RGS17: variants seen among roughly 807,000 people sequenced by gnomAD.
RGS17 encodes regulator of G-protein signaling 17.
Under a neutral mutation model 25.5 loss-of-function variants are expected in RGS17, and 12 were observed. The ratio of observed to expected loss-of-function variants is 0.47; its 90% CI spans 0.30 to 0.76. RGS17 has a LOEUF of 0.76. Ranked by LOEUF, RGS17 falls within the 30% of genes least tolerant of loss-of-function variation. The probability of loss-of-function intolerance (pLI) is 0.07; values close to 1 mark genes in which losing one functional copy is unlikely to be tolerated. For missense variants in RGS17, 196 were observed against 242.2 expected (o/e 0.81, Z 1.27); for synonymous variants, 71 against 76.9 (o/e 0.92, Z 0.40).
intron 2 of RGS17, among the ~76,000 whole-genome samples, chr6:153,034,465 C>T (rs1006224023): frequency 6.6e-6 from 1 of 152,222 alleles, no homozygotes; most frequent in Non-Finnish European, 1.5e-5. Flanking sequence ...AGATCCTACA[C>T]AGTCTGGTAA....
chr6:153,120,539 G>T, intron 1 of RGS17, among the ~76,000 whole-genome samples: 1 of 152,160 alleles, frequency 6.6e-6, no homozygotes, highest in Non-Finnish European at 1.5e-5. Flanking sequence ...CTGGACAGCT[G>T]AAATTGTGGT....
chr6:153,099,514 A>G (rs1777264540), intron 1 of RGS17, among the ~76,000 whole-genome samples: 1 of 152,204 alleles, frequency 6.6e-6, no homozygotes, highest in Admixed American at 6.5e-5. Flanking sequence ...TATATTCGGA[A>G]AAAAAATTGC....
At chr6:153,106,220 C>T (rs896503579) in intron 1 of RGS17, among the ~76,000 whole-genome samples, 1 of 151,888 alleles carries the variant, frequency 6.6e-6, no homozygotes, top group Admixed American at 6.6e-5. Context: ...GCACATGTCA[C>T]GTTCTGATGC....
intron 1 of RGS17, among the ~76,000 whole-genome samples, chr6:153,047,210 G>C (rs1355016448): frequency 6.6e-6 from 1 of 152,110 alleles, no homozygotes; most frequent in Non-Finnish European, 1.5e-5. Flanking sequence ...ACTTCAGTCA[G>C]AAGAAAACAA....
chr6:153,007,728 A>G lies in RGS17; in HGVS notation c.*3846T>C, dbSNP rs1779091963. 1 of 152,066 alleles carries G rather than the reference A, an allele frequency of 6.6e-6. No homozygotes were observed. Among genetic ancestry groups the G allele is most frequent in the Non-Finnish European group, 1.5e-5 (1 of 68,058 alleles). The allele number at this position is 152,066 out of a possible 1,614,324, so 9.4% of individuals were successfully genotyped here. On this transcript the variant is annotated 3_prime_UTR_variant, in exon 5 of 5. Coordinates refer to ENST00000206262, the MANE Select transcript of RGS17 (RefSeq NM_012419.5). ...TGCCTCAGCCTCTCAAGTAGCCGGG[A>G]TTAAAGGCACCCACCACCATGCCCG...
intron 1 of RGS17, among the ~76,000 whole-genome samples, chr6:153,048,658 G>A (rs1054486252): frequency 6.6e-6 from 1 of 152,114 alleles, no homozygotes; most frequent in Admixed American, 6.5e-5. Flanking sequence ...GTACAATTAC[G>A]TGTCAAGACC....
Position 153,054,117 on chromosome 6 carries a change from T to TATAC in RGS17, c.-25-10075_-25-10074insGTAT, listed in dbSNP as rs1562321755. 2.6e-4 allele frequency among the ~76,000 whole-genome samples: 19 copies of TATAC among 74,186 alleles called. 1 individual carries two copies. Among genetic ancestry groups the TATAC allele is most frequent in the African/African-American group, 1.2e-3 (19 of 16,302 alleles). The allele number at this position is 74,186 out of a possible 152,430, so 48.7% of individuals were successfully genotyped here. A position where few individuals can be genotyped will look rare whatever the true frequency, so the allele number is the denominator to read the frequency against. On this transcript the variant is annotated intron_variant, in intron 1 of 4. Coordinates refer to ENST00000206262, the MANE Select transcript of RGS17 (RefSeq NM_012419.5). ...TTATATATATATATATATATATGTG[T>TATAC]ATATATATATATATACAGCTTTATA...
intron 1 of RGS17, among the ~76,000 whole-genome samples, chr6:153,112,507 T>C (rs557850833): frequency 6.6e-6 from 1 of 152,268 alleles, no homozygotes; most frequent in East Asian, 1.9e-4. Context: ...CTTCAGGATA[T>C]TATCCAGGAG....
rs560819134 is a variant in RGS17, at chr6:153,079,652, C to T, written c.-25-35609G>A. ...ATCAAACTCATAATCCTGGAATAAACCTCAGTTTGTTATGATCTCTTATCT... is the reference window on the plus strand; with the variant it reads ...ATCAAACTCATAATCCTGGAATAAATCTCAGTTTGTTATGATCTCTTATCT... On this transcript the variant is annotated intron_variant, in intron 1 of 4. Transcript: ENST00000206262. Among the ~76,000 whole-genome samples the T allele has an allele frequency of 3.3e-5, 5 of 152,054 alleles. No homozygotes were observed. The East Asian group carries it at 5.8e-4, about 18-fold the overall frequency.
In RGS17 at chr6:153,120,340, C is replaced by T. The variant is rs370406130; in HGVS notation, c.-26+10784G>A. Among the ~76,000 whole-genome samples, 26 of 152,316 alleles carry T rather than the reference C, an allele frequency of 1.7e-4. No homozygotes were observed. In the South Asian group the frequency reaches 5.4e-3, roughly 32 times the overall value. Reference sequence around the variant, plus strand: ...CTTCATGAGTTTGACTTGTCCATGTCTTATGACATCCTTATTTCCCAGACT... The same window carrying T: ...CTTCATGAGTTTGACTTGTCCATGTTTTATGACATCCTTATTTCCCAGACT... On this transcript the variant is annotated intron_variant, in intron 1 of 4. Transcript: ENST00000206262.
intron 1 of RGS17, among the ~76,000 whole-genome samples, chr6:153,066,492 C>T (rs1266054236): frequency 6.6e-6 from 1 of 152,088 alleles, no homozygotes; most frequent in Non-Finnish European, 1.5e-5. Flanking sequence ...TACTTCCATT[C>T]CATGAGGCCA....
intron 1 of RGS17, among the ~76,000 whole-genome samples, chr6:153,096,635 A>C (rs12209964): frequency 3.9e-5 from 6 of 152,236 alleles, no homozygotes; most frequent in Admixed American, 6.5e-5. Flanking sequence ...TCGTTGCCAC[A>C]TAAGTAAAAA....
At position 153,037,171 on chromosome 6, in the gene RGS17, A is replaced by T. The variant is rs1584128092; in HGVS notation, c.119+6729T>A. Among the ~76,000 whole-genome samples the T allele has an allele frequency of 5.5e-5, 8 of 145,354 alleles. No individual in the cohort carries two copies. In the South Asian group the frequency reaches 1.8e-3, roughly 32 times the overall value. ...TACTAATTGGTAGTACTACCTTTAA[A>T]ACACACACACACACACACACACACA... On this transcript the variant is annotated intron_variant, in intron 2 of 4. Coordinates refer to ENST00000206262, the MANE Select transcript of RGS17 (RefSeq NM_012419.5).
At chr6:153,060,769 T>C (rs553877576) in intron 1 of RGS17, among the ~76,000 whole-genome samples, 1 of 152,238 alleles carries the variant, frequency 6.6e-6, no homozygotes, top group Non-Finnish European at 1.5e-5. Flanking sequence ...TATTTTGGAA[T>C]TCCAAATACA....
chr6:153,053,997 TATACATATATAC>T (rs1776506912), intron 1 of RGS17, among the ~76,000 whole-genome samples: 1 of 54,102 alleles, frequency 1.8e-5, no homozygotes, highest in Non-Finnish European at 3.0e-5. Context: ...ATATAATATA[TATACATATATAC>T]GTATATATGT....
chr6:153,074,756 A>T (rs1776853253), intron 1 of RGS17, among the ~76,000 whole-genome samples: 1 of 152,194 alleles, frequency 6.6e-6, no homozygotes, highest in African/African-American at 2.4e-5. Context: ...CTAATATTTT[A>T]AAAAGGATTT....
At chr6:153,050,271 G>C (rs1484715869) in intron 1 of RGS17, among the ~76,000 whole-genome samples, 1 of 151,868 alleles carries the variant, frequency 6.6e-6, no homozygotes, top group African/African-American at 2.4e-5. Flanking sequence ...TTTTTATATA[G>C]TTTAATTTAT....
intron 4 of RGS17, among the ~76,000 whole-genome samples, chr6:153,019,662 C>G (rs373435197): frequency 6.6e-6 from 1 of 152,104 alleles, no homozygotes; most frequent in African/African-American, 2.4e-5. Flanking sequence ...CCTGCTTTGC[C>G]CATGTGATGT....
chr6:153,130,439 G>T lies in RGS17; in HGVS notation c.-26+685C>A, dbSNP rs527496826. On this transcript the variant is annotated intron_variant, in intron 1 of 4. Transcript: ENST00000206262. The surrounding 1 kb of genome is among the most constrained non-coding windows in gnomAD (Gnocchi z 6.4). ...CCCTTTCCTTTGACTAAGGGGAGGG[G>T]AAGGAACAAAAGAGACCCCCCACCC... 6.6e-6 allele frequency among the ~76,000 whole-genome samples: 1 copy of T among 151,468 alleles called. No homozygotes were observed. Among genetic ancestry groups the T allele is most frequent in the East Asian group, 2.0e-4 (1 of 5,088 alleles).
Sources: allele counts gnomAD v4.1 joint callset (sites outside exome capture counted in the v4.1 genomes callset), GRCh38; gene constraint gnomAD v4.1.1; non-coding constraint Gnocchi (gnomAD v3.1); transcripts MANE v1.5; gene names NCBI Gene and HGNC (gene_info 2026-07-23, HGNC 2026-07-21).